The following IQANK1 variants were observed in gnomAD, a reference collection of about 807,000 sequenced individuals.
The protein encoded by IQANK1 is IQ motif and ankyrin repeat containing 1.
IQANK1 carries 30 observed loss-of-function variants against 22.6 expected under a neutral mutation model. That is an observed-to-expected ratio of 1.33 (90% CI 0.99 to 1.80). IQANK1 has a LOEUF of 1.80. Ranked by LOEUF, IQANK1 falls within the 40% of genes most tolerant of loss-of-function variation. The pLI, the probability that IQANK1 is intolerant of heterozygous loss-of-function variation, is 0.00. For synonymous variants in IQANK1, 122 were observed against 99.6 expected (o/e 1.23, Z -1.34); for missense variants, 275 against 235.2 (o/e 1.17, Z -1.11).
chr8:143,789,303 G>T, intron 9 of IQANK1, 60 bp downstream of exon 9: 1 of 420,636 alleles, frequency 2.4e-6, no homozygotes, highest in South Asian at 1.2e-4. Context: ...TGGGGAGGAG[G>T]GGGAGCCGAG....
intron 3 of IQANK1, among the ~76,000 whole-genome samples, chr8:143,769,536 G>A (rs75253275): frequency 1.0e-3 from 154 of 152,274 alleles, no homozygotes; most frequent in African/African-American, 3.3e-3. Flanking sequence ...CTTAGTGTAT[G>A]TCCCCCAAAT....
rs1240501024 is a variant in IQANK1, at chr8:143,789,993, G to A, written c.1218G>A (p.Leu406=). 4.1e-6 allele frequency: 5 copies of A among 1,231,952 alleles called. No homozygotes were observed. The African/African-American group carries it at 7.8e-5, about 19-fold the overall frequency. The allele number at this position is 1,231,952 out of a possible 1,614,324, so 76.3% of individuals were successfully genotyped here. A position where few individuals can be genotyped will look rare whatever the true frequency, so the allele number is the denominator to read the frequency against. The change falls in exon 12 of 14, where the codon CTG becomes CTA. Residue 406 remains leucine, a synonymous_variant. Transcript: ENST00000527139. ...TQEGEEEAPG[L]KCQVTELHDV... ...CAGGGGAGGAAGAGGCGCCTGGGCT[G>A]AAGTGCCAGGTCACCGAGCTGCACG...
At chr8:143,773,796 G>A (rs1322882366) in intron 7 of IQANK1, among the ~76,000 whole-genome samples, 11 of 152,168 alleles carry the variant, frequency 7.2e-5, no homozygotes, top group Admixed American at 2.0e-4. Flanking sequence ...GGGCCGAGGC[G>A]GTGGGCTTAG....
At chr8:143,769,574 C>G (rs1263981746) in intron 3 of IQANK1, among the ~76,000 whole-genome samples, 1 of 152,168 alleles carries the variant, frequency 6.6e-6, no homozygotes, top group African/African-American at 2.4e-5. Flanking sequence ...CTAAATCTGG[C>G]AACCCTAAAC....
rs183912185 is a variant in IQANK1 at position 143,757,494 on chromosome 8, G to A, written c.176-13994G>A. Among the ~76,000 whole-genome samples, 1,359 of 151,962 alleles carry A rather than the reference G, an allele frequency of 8.9e-3. 11 individuals carry two copies. The highest frequency in any genetic ancestry group is 0.014 in the Non-Finnish European group (919 of 67,946). ...TGAGACTATAGGCGCCCGCCACCACGCCCAGCTAATTTTTTGTATTTTTAG... is the reference window on the plus strand; with the variant it reads ...TGAGACTATAGGCGCCCGCCACCACACCCAGCTAATTTTTTGTATTTTTAG... On this transcript the variant is annotated intron_variant, in intron 3 of 13. Transcript: ENST00000527139.
Position 143,735,064 on chromosome 8 carries a change from A to G in IQANK1, c.-4-786A>G, listed in dbSNP as rs1818693863. 6.6e-6 allele frequency among the ~76,000 whole-genome samples: 1 copy of G among 152,044 alleles called. No individual in the cohort carries two copies. Among genetic ancestry groups the G allele is most frequent in the Admixed American group, 6.5e-5 (1 of 15,280 alleles). ...CGCCTTTCTCTTTGTTCCTCTTGCCATGTGATCCTATTTTCTGTTTTCAGG... is the reference window on the plus strand; with the variant it reads ...CGCCTTTCTCTTTGTTCCTCTTGCCGTGTGATCCTATTTTCTGTTTTCAGG... On this transcript the variant is annotated intron_variant, in intron 1 of 13. Coordinates refer to ENST00000527139, the MANE Select transcript of IQANK1 (RefSeq NM_001381874.1). This position sits in a 1 kb window ranked among gnomAD's most constrained non-coding sequence, Gnocchi z 5.2.
At chr8:143,750,789 C>T (rs1416379407) in intron 3 of IQANK1, among the ~76,000 whole-genome samples, 5 of 151,848 alleles carry the variant, frequency 3.3e-5, no homozygotes, top group South Asian at 2.1e-4. Context: ...ACTCCAGCTT[C>T]GGTGACAGAG....
chr8:143,749,211 A>G (rs1348190956), intron 3 of IQANK1, among the ~76,000 whole-genome samples: 3 of 122,468 alleles, frequency 2.4e-5, no homozygotes, highest in Non-Finnish European at 4.7e-5. Flanking sequence ...AATATATCAT[A>G]TATATCATAT....
At position 143,762,563 on chromosome 8, in the gene IQANK1, G is replaced by A. The variant is rs868910075; in HGVS notation, c.176-8925G>A. Among the ~76,000 whole-genome samples the A allele has an allele frequency of 5.3e-5, 8 of 152,274 alleles. No homozygotes were observed. The South Asian group carries it at 1.2e-3, about 24-fold the overall frequency. On this transcript the variant is annotated intron_variant, in intron 3 of 13. Coordinates refer to ENST00000527139, the MANE Select transcript of IQANK1 (RefSeq NM_001381874.1). Reference sequence around the variant, plus strand: ...GTCAAGATCATCTCAGGGGTGCTGAGACCACCAAGCTCCCTGTGGACATGA... The same window carrying A: ...GTCAAGATCATCTCAGGGGTGCTGAAACCACCAAGCTCCCTGTGGACATGA...
intron 3 of IQANK1, among the ~76,000 whole-genome samples, chr8:143,765,172 G>A (rs976959523): frequency 7.2e-5 from 11 of 152,034 alleles, no homozygotes; most frequent in Non-Finnish European, 1.2e-4. Context: ...CCTGGCCAAC[G>A]TGGTAAAACC....
rs368310907 is a variant in IQANK1, at chr8:143,735,613, G to T, written c.-4-237G>T. 2.0e-5 allele frequency among the ~76,000 whole-genome samples: 3 copies of T among 152,214 alleles called. No individual in the cohort carries two copies. The highest frequency in any genetic ancestry group is 3.9e-4 in the East Asian group (2 of 5,172). On this transcript the variant is annotated intron_variant, in intron 1 of 13. Coordinates refer to ENST00000527139, the MANE Select transcript of IQANK1 (RefSeq NM_001381874.1). This position sits in a 1 kb window ranked among gnomAD's most constrained non-coding sequence, Gnocchi z 5.2. ...TGGGGCGGAGGGGCAGGCAAGCCAC[G>T]GCCAGGGGGACGGGAGGTGGCCAAG...
intron 7 of IQANK1, among the ~76,000 whole-genome samples, chr8:143,777,458 GTGAGC>G (rs1308310712): frequency 1.4e-5 from 2 of 146,542 alleles, no homozygotes; most frequent in Non-Finnish European, 3.0e-5. Context: ...GGAGGCTGCA[GTGAGC>G]TGAGCTGAGA....
At chr8:143,749,914 A>G (rs1293789436) in intron 3 of IQANK1, among the ~76,000 whole-genome samples, 1 of 151,764 alleles carries the variant, frequency 6.6e-6, no homozygotes, top group Non-Finnish European at 1.5e-5. Flanking sequence ...ATTTATAGTT[A>G]TTATATATTC....
intron 3 of IQANK1, among the ~76,000 whole-genome samples, chr8:143,751,679 A>ATATAT (rs1563771608): frequency 3.2e-5 from 1 of 31,032 alleles, no homozygotes; most frequent in Admixed American, 3.4e-4. Flanking sequence ...TATATATATA[A>ATATAT]AATCCTATAC....
In IQANK1 at chr8:143,774,859, G is replaced by A. The variant is rs1350985896; in HGVS notation, c.789+2377G>A. On this transcript the variant is annotated intron_variant, in intron 7 of 13. Coordinates refer to ENST00000527139, the MANE Select transcript of IQANK1 (RefSeq NM_001381874.1). This position sits in a 1 kb window ranked among gnomAD's most constrained non-coding sequence, Gnocchi z 4.2. Reference sequence around the variant, plus strand: ...CATGATCCATGCAACAACTAGCAACGTGGAGAAACCGGAAGGGAGCTTCAC... The same window carrying A: ...CATGATCCATGCAACAACTAGCAACATGGAGAAACCGGAAGGGAGCTTCAC... 1.3e-5 allele frequency among the ~76,000 whole-genome samples: 2 copies of A among 152,176 alleles called. No homozygotes were observed. Among genetic ancestry groups the A allele is most frequent in the Non-Finnish European group, 1.5e-5 (1 of 68,028 alleles).
At chr8:143,763,905 T>C (rs1350040563) in intron 3 of IQANK1, among the ~76,000 whole-genome samples, 2 of 152,152 alleles carry the variant, frequency 1.3e-5, no homozygotes, top group African/African-American at 2.4e-5. Context: ...TTTTAACATA[T>C]GAATACACTG....
Position 143,739,907 on chromosome 8 carries a change from C to T in IQANK1, c.134C>T (p.Ala45Val), listed in dbSNP as rs1227642783. The T allele has an allele frequency of 5.7e-6, 4 of 697,882 alleles. No homozygotes were observed. The highest frequency in any genetic ancestry group is 1.5e-5 in the South Asian group (1 of 66,682). The allele number at this position is 697,882 out of a possible 1,614,324, so 43.2% of individuals were successfully genotyped here. A position where few individuals can be genotyped will look rare whatever the true frequency, so the allele number is the denominator to read the frequency against. ...CCGCAGAGGAAAGCGGGCTGGCAGG[C>T]GAGGGAGCCCGCGTCGGCTGAGAGC... The part of the protein sequence containing the change: ...RPPQRKAGWQ[A>V]REPASAESPQ... The change falls in exon 3 of 14, where the codon GCG (alanine) becomes GTG (valine). Residue 45 changes from alanine to valine, a missense_variant. Ala to Val is a moderately conservative substitution (Grantham distance 64). Transcript: ENST00000527139.
At chr8:143,782,760 G>A (rs932055604) in intron 7 of IQANK1, among the ~76,000 whole-genome samples, 16 of 152,212 alleles carry the variant, frequency 1.1e-4, no homozygotes, top group African/African-American at 3.9e-4. Context: ...ACAGATATGA[G>A]CCACCGTGCC....
In IQANK1 at chr8:143,771,412, C is replaced by G; in HGVS notation, c.176-76C>G. ...TGTCGGGGCGGGGGCGGGGGCGGGG[C>G]CGGCTCCACTCCCAGGGGCGCAGCA... On this transcript the variant is annotated intron_variant, in intron 3 of 13. Transcript: ENST00000527139. The surrounding 1 kb of genome is among the most constrained non-coding windows in gnomAD (Gnocchi z 6.0). 2.5e-6 allele frequency: 1 copy of G among 392,302 alleles called. No individual in the cohort carries two copies. The highest frequency in any genetic ancestry group is 4.5e-6 in the Non-Finnish European group (1 of 222,426). 24.3% of individuals were successfully genotyped at this position (392,302 alleles called of 1,614,324 possible). A position where few individuals can be genotyped will look rare whatever the true frequency, so the allele number is the denominator to read the frequency against.
Sources: gnomAD v4.1 joint callset for allele counts (sites outside exome capture counted in the v4.1 genomes callset) on GRCh38, gnomAD v4.1.1 for gene constraint, Gnocchi (gnomAD v3.1) non-coding constraint, MANE v1.5 for transcripts, NCBI Gene and HGNC (gene_info 2026-07-23, HGNC 2026-07-21) for gene names.